Variants in HS3ST2 observed in about 807,000 individuals in gnomAD.
HS3ST2 encodes the protein heparan sulfate glucosamine 3-O-sulfotransferase 2.
Under a neutral mutation model 26.3 loss-of-function variants are expected in HS3ST2, and 17 were observed. That is an observed-to-expected ratio of 0.65 (90% CI 0.44 to 0.97). The LOEUF (loss-of-function observed/expected upper bound fraction) is 0.97, where lower values mean the gene tolerates loss of function less well. HS3ST2 is among the 50% of genes least tolerant of loss of function. The pLI, the probability that HS3ST2 is intolerant of heterozygous loss-of-function variation, is 0.00. For missense variants in HS3ST2, 402 were observed against 501.2 expected, an observed-to-expected ratio of 0.80 and a Z score of 1.89; for synonymous variants, 237 against 219.2, an observed-to-expected ratio of 1.08 and a Z score of -0.72.
At chr16:22,820,426 C>A (rs1452617869) in intron 1 of HS3ST2, among the ~76,000 whole-genome samples, 2 of 152,200 alleles carry the variant, frequency 1.3e-5, no homozygotes, top group African/African-American at 2.4e-5. Flanking sequence ...TAAAGACATA[C>A]CCAACACTGG....
chr16:22,907,036 G>T (rs563453743), intron 1 of HS3ST2, among the ~76,000 whole-genome samples: 3 of 152,308 alleles, frequency 2.0e-5, no homozygotes, highest in African/African-American at 7.2e-5. Context: ...ACAAAGAAGG[G>T]TTTACAGAGG....
At chr16:22,856,516 G>A (rs1008673459) in intron 1 of HS3ST2, among the ~76,000 whole-genome samples, 1 of 152,150 alleles carries the variant, frequency 6.6e-6, no homozygotes, top group African/African-American at 2.4e-5. Context: ...TTGCTATGTA[G>A]GATTGTTCTT....
chr16:22,830,491 C>T (rs542811513), intron 1 of HS3ST2, among the ~76,000 whole-genome samples: 1 of 152,320 alleles, frequency 6.6e-6, no homozygotes, highest in South Asian at 2.1e-4. Context: ...GACAGAGGAA[C>T]ATTGGGATGG....
chr16:22,884,966 G>A (rs973753561), intron 1 of HS3ST2, among the ~76,000 whole-genome samples: 2 of 151,018 alleles, frequency 1.3e-5, no homozygotes, highest in African/African-American at 4.9e-5. Context: ...TCTGCCTCCC[G>A]AGTAGCTAGG....
chr16:22,868,056 A>T lies in HS3ST2; in HGVS notation c.486-46888A>T, dbSNP rs566633477. 2.9e-4 allele frequency among the ~76,000 whole-genome samples: 44 copies of T among 152,230 alleles called. No individual in the cohort carries two copies. In the East Asian group the frequency reaches 7.7e-3, roughly 27 times the overall value. On this transcript the variant is annotated intron_variant, in intron 1 of 1. Coordinates refer to ENST00000261374, the MANE Select transcript of HS3ST2 (RefSeq NM_006043.2). ...TCAATTTGTGTGATTCTGCTTTTTT[A>T]AAAAAATATTACACATGCACAAAAA...
chr16:22,902,273 G>A (rs1902290290), intron 1 of HS3ST2, among the ~76,000 whole-genome samples: 1 of 152,216 alleles, frequency 6.6e-6, no homozygotes, highest in South Asian at 2.1e-4. Flanking sequence ...TGATAGAAAT[G>A]TGGGTTGTTT....
At chr16:22,914,733 T>G (rs1439078756) in intron 1 of HS3ST2, among the ~76,000 whole-genome samples, 1 of 50,266 alleles carries the variant, frequency 2.0e-5, no homozygotes, top group African/African-American at 1.7e-4. Flanking sequence ...TGAGACCTTG[T>G]CTCAAAAAAA....
chr16:22,867,247 C>A (rs955277282), intron 1 of HS3ST2, among the ~76,000 whole-genome samples: 3 of 152,018 alleles, frequency 2.0e-5, no homozygotes, highest in African/African-American at 7.2e-5. Flanking sequence ...CTCATATATA[C>A]CAAAATAAGT....
intron 1 of HS3ST2, among the ~76,000 whole-genome samples, chr16:22,909,420 A>G (rs1466629058): frequency 2.6e-5 from 4 of 152,218 alleles, no homozygotes; most frequent in Non-Finnish European, 5.9e-5. Flanking sequence ...TAGCAGCTGG[A>G]AACAAGTAAG....
chr16:22,860,893 G>A (rs1191953453), intron 1 of HS3ST2, among the ~76,000 whole-genome samples: 1 of 151,112 alleles, frequency 6.6e-6, no homozygotes, highest in African/African-American at 2.4e-5. Flanking sequence ...TATATAGACA[G>A]ACAGGGTCTT....
chr16:22,884,330 A>G (rs557064640), intron 1 of HS3ST2, among the ~76,000 whole-genome samples: 1 of 152,308 alleles, frequency 6.6e-6, no homozygotes, highest in Admixed American at 6.5e-5. Context: ...TAATTTGTGT[A>G]AGAACACACT....
chr16:22,841,415 A>C (rs1304259241), intron 1 of HS3ST2, among the ~76,000 whole-genome samples: 1 of 152,096 alleles, frequency 6.6e-6, no homozygotes, highest in Non-Finnish European at 1.5e-5. Context: ...GCTCCTAATC[A>C]CAAACCAGCT....
chr16:22,844,110 C>G (rs1163711970), intron 1 of HS3ST2, among the ~76,000 whole-genome samples: 1 of 152,024 alleles, frequency 6.6e-6, no homozygotes, highest in African/African-American at 2.4e-5. Context: ...TGGCATGTTT[C>G]ATAATTTTTG....
intron 1 of HS3ST2, among the ~76,000 whole-genome samples, chr16:22,846,219 G>A (rs183186728): frequency 6.6e-6 from 1 of 151,878 alleles, no homozygotes; most frequent in East Asian, 1.9e-4. Flanking sequence ...AGAGGTTGCA[G>A]TGAGCCGAGA....
chr16:22,883,039 A>G (rs1370094437), intron 1 of HS3ST2, among the ~76,000 whole-genome samples: 2 of 152,114 alleles, frequency 1.3e-5, no homozygotes, highest in Non-Finnish European at 2.9e-5. Flanking sequence ...CAGAAAAAAA[A>G]AAAAAAAAGA....
At chr16:22,906,156 A>G (rs1321796753) in intron 1 of HS3ST2, among the ~76,000 whole-genome samples, 1 of 152,042 alleles carries the variant, frequency 6.6e-6, no homozygotes, top group Non-Finnish European at 1.5e-5. Context: ...GCAGATCACG[A>G]GGTGAAGAGA....
chr16:22,854,993 T>C (rs1901569060), intron 1 of HS3ST2, among the ~76,000 whole-genome samples: 1 of 152,224 alleles, frequency 6.6e-6, no homozygotes, highest in African/African-American at 2.4e-5. Context: ...CTACAATCAC[T>C]TTAATCTCTT....
At chr16:22,893,500 G>C (rs981391152) in intron 1 of HS3ST2, among the ~76,000 whole-genome samples, 1 of 151,978 alleles carries the variant, frequency 6.6e-6, no homozygotes, top group Non-Finnish European at 1.5e-5. Flanking sequence ...AATTTACTAA[G>C]TGCTTTTTCA....
At chr16:22,881,738 G>T (rs969346418) in intron 1 of HS3ST2, among the ~76,000 whole-genome samples, 2 of 152,310 alleles carry the variant, frequency 1.3e-5, no homozygotes, top group South Asian at 4.1e-4. Flanking sequence ...AGGCTCGTAG[G>T]TTACTTTAAT....
Sources: gnomAD v4.1 joint callset for allele counts (sites outside exome capture counted in the v4.1 genomes callset) on GRCh38, gnomAD v4.1.1 for gene constraint, MANE v1.5 for transcripts, NCBI Gene and HGNC (gene_info 2026-07-23, HGNC 2026-07-21) for gene names.